NOL10: variants seen among roughly 807,000 people sequenced by gnomAD.
NOL10 encodes the protein nucleolar protein 10.
A neutral mutation model predicts 103.5 loss-of-function variants in NOL10; 58 were observed. The observed-to-expected ratio is 0.56, with a 90% CI of 0.45 to 0.70. NOL10 has a LOEUF of 0.70. Among genes scored for constraint, NOL10 ranks in the 30% least tolerant of loss-of-function variants. The probability of loss-of-function intolerance (pLI) is 0.00; values close to 1 mark genes in which losing one functional copy is unlikely to be tolerated. For missense variants in NOL10, 763 were observed against 807.3 expected, an observed-to-expected ratio of 0.95 and a Z score of 0.67; for synonymous variants, 287 against 282.5, an observed-to-expected ratio of 1.02 and a Z score of -0.16.
intron 19 of NOL10, among the ~76,000 whole-genome samples, chr2:10,580,983 ATTTAAT>A (rs1674719800): frequency 6.6e-6 from 1 of 152,268 alleles, no homozygotes. Context: ...TATTTTTTAA[ATTTAAT>A]TTTAAGTACT....
At position 10,665,090 on chromosome 2, in the gene NOL10, C is replaced by T. The variant is rs142896508; in HGVS notation, c.592-2046G>A. ...CTTCAATATACTTAGGAGGTTCTGA[C>T]CTCATTAATCTTTTAATATTATTAC... On this transcript the variant is annotated intron_variant, in intron 8 of 20. Coordinates refer to ENST00000381685, the MANE Select transcript of NOL10 (RefSeq NM_024894.4). Among the ~76,000 whole-genome samples, 191 of 152,240 alleles carry T rather than the reference C, an allele frequency of 1.3e-3. 1 individual carries two copies. Among genetic ancestry groups the T allele is most frequent in the Middle Eastern group, 3.4e-3 (1 of 294 alleles).
rs372115119 is a variant in NOL10, at chr2:10,631,495, A to G, written c.1026+12825T>C. On this transcript the variant is annotated intron_variant, in intron 13 of 20. Transcript: ENST00000381685. Reference sequence around the variant, plus strand: ...TATTCTCCTTTTGGATTTTTATAGGAAAAAAAAGTTTAATTAACCTATCTT... The same window carrying G: ...TATTCTCCTTTTGGATTTTTATAGGGAAAAAAAGTTTAATTAACCTATCTT... Among the ~76,000 whole-genome samples, 389 of 142,356 alleles carry G rather than the reference A, an allele frequency of 2.7e-3. 2 individuals carry two copies. The highest frequency in any genetic ancestry group is 0.012 in the African/African-American group (381 of 32,472). 93.4% of individuals were successfully genotyped at this position (142,356 alleles called of 152,430 possible).
chr2:10,598,466 G>T (rs1330401853), intron 17 of NOL10, among the ~76,000 whole-genome samples: 1 of 152,204 alleles, frequency 6.6e-6, no homozygotes, highest in Non-Finnish European at 1.5e-5. Flanking sequence ...TGGGAATACA[G>T]GGAATGTGGC....
chr2:10,600,023 C>G (rs1675892117), intron 17 of NOL10, among the ~76,000 whole-genome samples: 1 of 151,944 alleles, frequency 6.6e-6, no homozygotes. Flanking sequence ...AAAAAAAGAA[C>G]CTCCTGAGGG....
At chr2:10,584,094 G>A (rs1272496789) in intron 19 of NOL10, among the ~76,000 whole-genome samples, 1 of 152,164 alleles carries the variant, frequency 6.6e-6, no homozygotes, top group African/African-American at 2.4e-5. Flanking sequence ...TGGCTGCACC[G>A]TGCCTCTGCC....
At chr2:10,624,180 T>G (rs531029352) in intron 13 of NOL10, among the ~76,000 whole-genome samples, 2 of 142,596 alleles carry the variant, frequency 1.4e-5, no homozygotes, top group African/African-American at 5.5e-5. Context: ...TTTCTTTTCT[T>G]TTTTTTTTTT....
At chr2:10,684,118 A>G (rs1453389212) in intron 2 of NOL10, among the ~76,000 whole-genome samples, 3 of 151,944 alleles carry the variant, frequency 2.0e-5, no homozygotes, top group African/African-American at 4.8e-5. Flanking sequence ...ATCTCTACTA[A>G]AAATACAAAA....
At chr2:10,619,553 C>A (rs1191075007) in intron 13 of NOL10, among the ~76,000 whole-genome samples, 1 of 152,186 alleles carries the variant, frequency 6.6e-6, no homozygotes, top group Non-Finnish European at 1.5e-5. Flanking sequence ...AAAACTGGAT[C>A]TAACTTATTA....
At chr2:10,572,612 T>G (rs535568226) in intron 20 of NOL10, among the ~76,000 whole-genome samples, 1 of 152,328 alleles carries the variant, frequency 6.6e-6, no homozygotes, top group East Asian at 1.9e-4. Flanking sequence ...GTTTACAAAC[T>G]AGAGCCATTA....
intron 13 of NOL10, among the ~76,000 whole-genome samples, chr2:10,632,742 TA>T (rs1217851708): frequency 6.6e-6 from 1 of 152,232 alleles, no homozygotes; most frequent in African/African-American, 2.4e-5. Context: ...AAAGTTAAAT[TA>T]AAATTTTACC....
chr2:10,666,208 G>C (rs1680557198), intron 8 of NOL10, among the ~76,000 whole-genome samples: 1 of 152,010 alleles, frequency 6.6e-6, no homozygotes, highest in African/African-American at 2.4e-5. Flanking sequence ...TTGCTGCAAA[G>C]AACATTCTTT....
chr2:10,620,318 A>G (rs973177093), intron 13 of NOL10, among the ~76,000 whole-genome samples: 13 of 152,258 alleles, frequency 8.5e-5, no homozygotes, highest in Non-Finnish European at 1.6e-4. Flanking sequence ...CCAGGGGGGG[A>G]AACTCGGCAG....
Position 10,661,032 on chromosome 2 carries a change from A to G in NOL10, c.678-1782T>C, listed in dbSNP as rs148037591. On this transcript the variant is annotated intron_variant, in intron 9 of 20. Coordinates refer to ENST00000381685, the MANE Select transcript of NOL10 (RefSeq NM_024894.4). Reference sequence around the variant, plus strand: ...TACATCCAGTCTTCTTCCTATGACTATGTTTGTGTTCACTGCTTTTCTGAT... The same window carrying G: ...TACATCCAGTCTTCTTCCTATGACTGTGTTTGTGTTCACTGCTTTTCTGAT... Among the ~76,000 whole-genome samples, 29 of 151,960 alleles carry G rather than the reference A, an allele frequency of 1.9e-4. No homozygotes were observed. In the East Asian group the frequency reaches 5.6e-3, roughly 29 times the overall value.
chr2:10,654,569 G>T, intron 11 of NOL10, 22 bp from the exon 12 acceptor site: 1 of 1,542,336 alleles, frequency 6.5e-7, no homozygotes, highest in Non-Finnish European at 8.8e-7. Flanking sequence ...AAGCAAAAAC[G>T]AAGTATTAAA....
chr2:10,665,669 T>C (rs927451585), intron 8 of NOL10, among the ~76,000 whole-genome samples: 1 of 152,210 alleles, frequency 6.6e-6, no homozygotes, highest in African/African-American at 2.4e-5. Context: ...GCACATTGCC[T>C]GGTGTCTAGC....
At chr2:10,637,212 A>AACAC (rs1486733969) in intron 13 of NOL10, among the ~76,000 whole-genome samples, 1 of 137,158 alleles carries the variant, frequency 7.3e-6, no homozygotes, top group South Asian at 2.3e-4. Flanking sequence ...AAAAAAAAAA[A>AACAC]ACACACACAC....
chr2:10,634,510 G>A (rs1267372930), intron 13 of NOL10: 1 of 456,688 alleles, frequency 2.2e-6, no homozygotes. Flanking sequence ...TCCAAGTGGA[G>A]AAGCCGAGTA....
chr2:10,619,623 C>A (rs926532615), intron 13 of NOL10, among the ~76,000 whole-genome samples: 1 of 142,722 alleles, frequency 7.0e-6, no homozygotes, highest in Admixed American at 7.1e-5. Context: ...TGAAACACTA[C>A]AAATGACATG....
At position 10,572,037 on chromosome 2, in the gene NOL10, C is replaced by T. The variant is rs774941114; in HGVS notation, c.*34G>A. On this transcript the variant is annotated 3_prime_UTR_variant, in exon 21 of 21. Coordinates refer to ENST00000381685, the MANE Select transcript of NOL10 (RefSeq NM_024894.4). Reference sequence around the variant, plus strand: ...GATGATCAGTTTGGGGGAGACGTACCCCTCCCTAATCACAGGTAGGACCAC... The same window carrying T: ...GATGATCAGTTTGGGGGAGACGTACTCCTCCCTAATCACAGGTAGGACCAC... 2.0e-5 allele frequency: 32 copies of T among 1,609,918 alleles called. No individual in the cohort carries two copies. Among genetic ancestry groups the T allele is most frequent in the Non-Finnish European group, 2.6e-5 (31 of 1,177,564 alleles).
Sources: gnomAD v4.1 joint callset for allele counts (sites outside exome capture counted in the v4.1 genomes callset) on GRCh38, gnomAD v4.1.1 for gene constraint, MANE v1.5 for transcripts, NCBI Gene and HGNC (gene_info 2026-07-23, HGNC 2026-07-21) for gene names.